CERKL: variants seen among roughly 807,000 people sequenced by gnomAD.
The protein encoded by CERKL is ceramide kinase-like protein.
Under a neutral mutation model 63.4 loss-of-function variants are expected in CERKL, and 61 were observed. That is an observed-to-expected ratio of 0.96 (90% CI 0.78 to 1.19). CERKL has a LOEUF of 1.19. Ranked by LOEUF, CERKL falls within the 50% of genes most tolerant of loss-of-function variation. The pLI is 0.00. For synonymous variants in CERKL, 250 were observed against 230.5 expected (o/e 1.08, Z -0.77); for missense variants, 675 against 655.5 (o/e 1.03, Z -0.33).
chr2:181,586,039 T>C (rs1348388013), intron 2 of CERKL, among the ~76,000 whole-genome samples: 1 of 151,992 alleles, frequency 6.6e-6, no homozygotes, highest in Non-Finnish European at 1.5e-5. Flanking sequence ...CAAGACAAAA[T>C]TCACCCTATG....
chr2:181,653,544 C>A (rs1688023257), intron 1 of CERKL, among the ~76,000 whole-genome samples: 2 of 152,086 alleles, frequency 1.3e-5, no homozygotes, highest in Admixed American at 6.5e-5. Context: ...AAATGTGATA[C>A]AGAAACATAA....
intron 5 of CERKL, among the ~76,000 whole-genome samples, chr2:181,556,488 G>A (rs927322187): frequency 6.6e-6 from 1 of 151,848 alleles, no homozygotes; most frequent in Non-Finnish European, 1.5e-5. Context: ...GTGAGAACAT[G>A]CGGTGTTTCG....
chr2:181,539,033 T>A (rs1364751538), intron 12 of CERKL, 59 bp downstream of exon 12: 2 of 1,239,350 alleles, frequency 1.6e-6, no homozygotes, highest in East Asian at 4.7e-5. Context: ...AGAGCTTTCG[T>A]TGTAATATTA....
chr2:181,543,983 C>CAAAAAAAAAAAAAAAAAAA, intron 11 of CERKL, among the ~76,000 whole-genome samples: 1 of 118,212 alleles, frequency 8.5e-6, no homozygotes, highest in Non-Finnish European at 1.7e-5. Context: ...GGCTCTAACT[C>CAAAAAAAAAAAAAAAAAAA]AAAAAAAAAA....
chr2:181,647,147 A>G (rs1419232592), intron 1 of CERKL, among the ~76,000 whole-genome samples: 1 of 152,216 alleles, frequency 6.6e-6, no homozygotes, highest in East Asian at 1.9e-4. Context: ...GTTTGCCTTC[A>G]ATAGAGATGA....
At chr2:181,548,143 T>A in intron 8 of CERKL, 1 of 550,960 alleles carries the variant, frequency 1.8e-6, no homozygotes, top group Non-Finnish European at 3.2e-6. Context: ...AGACCAAAAT[T>A]ATCACGAGGG....
chr2:181,603,745 C>G (rs775066371), intron 2 of CERKL, 92 bp downstream of exon 2: 6 of 1,272,306 alleles, frequency 4.7e-6, no homozygotes, highest in Non-Finnish European at 6.9e-6. Context: ...ATCTCAACAT[C>G]ACTAAAGTTG....
chr2:181,565,075 A>T (rs1688604708), intron 4 of CERKL, among the ~76,000 whole-genome samples: 1 of 152,132 alleles, frequency 6.6e-6, no homozygotes, highest in Non-Finnish European at 1.5e-5. Flanking sequence ...CATCCAAAAA[A>T]TAAATAAATA....
At chr2:181,549,854 T>A (rs1411245443) in intron 5 of CERKL, 146 bp from the exon 6 acceptor site, 1 of 682,444 alleles carries the variant, frequency 1.5e-6, no homozygotes, top group African/African-American at 1.8e-5. Flanking sequence ...AATGTGAATA[T>A]TAGAAGTTTA....
At chr2:181,647,495 A>T (rs950090013) in intron 1 of CERKL, among the ~76,000 whole-genome samples, 48 of 152,206 alleles carry the variant, frequency 3.2e-4, no homozygotes, top group African/African-American at 1.1e-3. Flanking sequence ...GCCACTGAGG[A>T]AATCAGACAT....
intron 1 of CERKL, among the ~76,000 whole-genome samples, chr2:181,626,561 G>C (rs1240415048): frequency 2.6e-5 from 4 of 152,146 alleles, no homozygotes; most frequent in Non-Finnish European, 5.9e-5. Flanking sequence ...ACCCAAACAA[G>C]TTGTCCATTT....
intron 4 of CERKL, among the ~76,000 whole-genome samples, chr2:181,565,819 C>T (rs1688641933): frequency 6.6e-6 from 1 of 152,068 alleles, no homozygotes; most frequent in African/African-American, 2.4e-5. Context: ...AGTACACTGT[C>T]ATTTCCCAGT....
chr2:181,545,455 T>G (rs1048020961), intron 10 of CERKL, among the ~76,000 whole-genome samples: 2 of 152,220 alleles, frequency 1.3e-5, no homozygotes, highest in South Asian at 4.1e-4. Flanking sequence ...GAATGCAGTT[T>G]GCAGAAATAC....
intron 10 of CERKL, among the ~76,000 whole-genome samples, chr2:181,545,767 TG>T (rs1188916689): frequency 6.6e-6 from 1 of 152,184 alleles, no homozygotes; most frequent in Non-Finnish European, 1.5e-5. Context: ...AAAACGTTCA[TG>T]GTAGTGTTAC....
intron 1 of CERKL, among the ~76,000 whole-genome samples, chr2:181,626,340 A>G (rs1439796797): frequency 6.6e-6 from 1 of 152,176 alleles, no homozygotes; most frequent in African/African-American, 2.4e-5. Flanking sequence ...AAAACTCAAG[A>G]AAAACCAATA....
rs369235296 is a variant in CERKL, at chr2:181,616,879, C to A, written c.239-12800G>T. 9.2e-5 allele frequency among the ~76,000 whole-genome samples: 14 copies of A among 152,260 alleles called. No homozygotes were observed. In the East Asian group the frequency reaches 2.3e-3, roughly 25 times the overall value. ...GGAGAAATTGGTGAATTAAGTAAAT[C>A]TTTTCAGTGCTTATGATAAATTAAA... On this transcript the variant is annotated intron_variant, in intron 1 of 12. Transcript: ENST00000410087.
chr2:181,549,817 A>G lies in CERKL; in HGVS notation c.821-109T>C. 4 of 785,766 alleles carry G rather than the reference A, an allele frequency of 5.1e-6. No homozygotes were observed. In the South Asian group the frequency reaches 5.8e-5, roughly 11 times the overall value. The allele number at this position is 785,766 out of a possible 1,614,324, so 48.7% of individuals were successfully genotyped here. A position where few individuals can be genotyped will look rare whatever the true frequency, so the allele number is the denominator to read the frequency against. ...TCTTCAATGTTCAGATGAAAAATAA[A>G]CGAGAATTTATAAAATCAGGAAAGT... is the stretch of plus-strand genomic sequence containing the variant. On this transcript the variant is annotated intron_variant, in intron 5 of 12. Transcript: ENST00000410087.
intron 1 of CERKL, among the ~76,000 whole-genome samples, chr2:181,629,606 C>G (rs1242350442): frequency 6.7e-6 from 1 of 149,860 alleles, no homozygotes; most frequent in South Asian, 2.2e-4. Context: ...TGACACTACT[C>G]TCTCCTCAAA....
intron 3 of CERKL, among the ~76,000 whole-genome samples, chr2:181,568,774 C>T (rs558190831): frequency 6.0e-5 from 9 of 150,058 alleles, no homozygotes; most frequent in East Asian, 3.9e-4. Flanking sequence ...CATGCTGGTG[C>T]GCTGCACCCA....
Sources: allele counts gnomAD v4.1 joint callset (sites outside exome capture counted in the v4.1 genomes callset), GRCh38; gene constraint gnomAD v4.1.1; transcripts MANE v1.5; gene names NCBI Gene and HGNC (gene_info 2026-07-23, HGNC 2026-07-21).